ODF2: variants seen among roughly 807,000 people sequenced by gnomAD.
ODF2 encodes outer dense fiber protein 2.
A neutral mutation model predicts 110.2 loss-of-function variants in ODF2; 47 were observed. The ratio of observed to expected loss-of-function variants is 0.43; its 90% CI spans 0.34 to 0.54. ODF2 has a LOEUF of 0.54. Among genes scored for constraint, ODF2 ranks in the 20% least tolerant of loss-of-function variants. ODF2 has a pLI of 0.03. For synonymous variants in ODF2, 352 were observed against 397.7 expected (o/e 0.89, Z 1.37); for missense variants, 812 against 1,054.5 (o/e 0.77, Z 3.19).
chr9:128,490,457 T>C (rs535350892), intron 14 of ODF2, among the ~76,000 whole-genome samples: 1 of 152,202 alleles, frequency 6.6e-6, no homozygotes, highest in Admixed American at 6.5e-5. Flanking sequence ...TAATTTTTTG[T>C]ATTTTTAGTA....
intron 4 of ODF2, among the ~76,000 whole-genome samples, chr9:128,468,610 C>T (rs149611304): frequency 1.3e-5 from 2 of 152,162 alleles, no homozygotes; most frequent in African/African-American, 4.8e-5. Context: ...GCAACCTCTA[C>T]CTCCCGGGTT....
chr9:128,469,269 T>C lies in ODF2; in HGVS notation c.336T>C (p.Asp112=), dbSNP rs147844613. 905 of 1,614,138 alleles carry C rather than the reference T, an allele frequency of 5.6e-4. 12 individuals are homozygous for C. In the Admixed American group the frequency reaches 0.014, roughly 25 times the overall value. ...GGTTAAGTGACCTCTCTACAGAAGA[T>C]GATGACTCAGGTCACTGTAAAATGA... Residue 112 remains aspartate, a synonymous_variant, in exon 5 of 21, where the codon GAT becomes GAC. Coordinates refer to ENST00000604420, the Ensembl canonical transcript of ODF2.
chr9:128,469,508 G>C (rs1839174218), intron 5 of ODF2, 155 bp downstream of exon 5: 1 of 709,052 alleles, frequency 1.4e-6, no homozygotes, highest in Non-Finnish European at 2.4e-6. Flanking sequence ...CCGGGAGGTA[G>C]CTGGGGCAGC....
Position 128,494,452 on chromosome 9 carries a change from C to G in ODF2, c.1753-58C>G. 6.5e-7 allele frequency: 1 copy of G among 1,537,214 alleles called. No individual in the cohort carries two copies. The highest frequency in any genetic ancestry group is 9.0e-7 in the Non-Finnish European group (1 of 1,112,298). The stretch of plus-strand genomic sequence containing the variant: ...GGACTCTGCCTGGCTCCACTAGGAG[C>G]CAGGTCTTTCCTAACTGTGGGTCTT... On this transcript the variant is annotated intron_variant, in intron 16 of 20. Transcript: ENST00000604420. This position sits in a 1 kb window ranked among gnomAD's most constrained non-coding sequence, Gnocchi z 4.6.
rs778630853 is a variant in ODF2, at chr9:128,460,585, C to T, written c.124-357C>T. On this transcript the variant is annotated intron_variant, in intron 3 of 20. Coordinates refer to ENST00000604420, the Ensembl canonical transcript of ODF2. ...TGAAGGACCGCTCTTCAACTCCCCC[C>T]TTACATGTTCACGTGGATGAGAACA... The T allele has an allele frequency of 9.3e-6, 15 of 1,613,944 alleles. No homozygotes were observed. The South Asian group carries it at 9.9e-5, about 11-fold the overall frequency.
At chr9:128,498,974 C>T (rs768494540) in intron 19 of ODF2, 27 bp from the exon 20 acceptor site, 1 of 1,612,100 alleles carries the variant, frequency 6.2e-7, no homozygotes, top group East Asian at 2.2e-5. Context: ...GTAAACCAGT[C>T]TCATGTCTGG....
At chr9:128,460,312 G>C in intron 3 of ODF2, 1 of 1,415,344 alleles carries the variant, frequency 7.1e-7, no homozygotes, top group South Asian at 1.2e-5. Flanking sequence ...GGGTCTTGCA[G>C]ACCCTCTCTT....
At chr9:128,491,338 C>T (rs895927189) in intron 14 of ODF2, among the ~76,000 whole-genome samples, 10 of 151,582 alleles carry the variant, frequency 6.6e-5, no homozygotes, top group South Asian at 2.1e-4. Flanking sequence ...CCACCACATC[C>T]GGCCCACAAC....
At chr9:128,463,935 C>G (rs1350376101) in intron 4 of ODF2, among the ~76,000 whole-genome samples, 2 of 152,098 alleles carry the variant, frequency 1.3e-5, no homozygotes, top group African/African-American at 4.8e-5. Context: ...ACCTCCACCT[C>G]CTGGGTACAA....
At chr9:128,475,684 C>T (rs1041402241) in intron 8 of ODF2, among the ~76,000 whole-genome samples, 2 of 151,818 alleles carry the variant, frequency 1.3e-5, no homozygotes, top group South Asian at 4.2e-4. Flanking sequence ...CTTGCTCTGT[C>T]GCCCAGGTTG....
chr9:128,489,762 G>T (rs1844167381), intron 14 of ODF2, among the ~76,000 whole-genome samples: 2 of 152,196 alleles, frequency 1.3e-5, no homozygotes, highest in Non-Finnish European at 2.9e-5. Flanking sequence ...TCATCATGGG[G>T]TGTGCATTAA....
chr9:128,500,187 T>C, exon 21 of ODF2: 2 of 1,614,188 alleles, frequency 1.2e-6, no homozygotes, highest in Non-Finnish European at 1.7e-6. Context: ...CGCCAACGTG[T>C]TTGGGGATGG....
At chr9:128,475,955 C>T (rs1352066300) in intron 8 of ODF2, among the ~76,000 whole-genome samples, 1 of 151,774 alleles carries the variant, frequency 6.6e-6, no homozygotes, top group Admixed American at 6.6e-5. Context: ...AGTTCAACTT[C>T]TTTAGGTTCC....
At chr9:128,493,420 G>T (rs188887109) in intron 16 of ODF2, among the ~76,000 whole-genome samples, 1 of 152,252 alleles carries the variant, frequency 6.6e-6, no homozygotes, top group African/African-American at 2.4e-5. Flanking sequence ...AAAACCTCAT[G>T]CTTGGAGCAT....
chr9:128,458,240 G>A (rs1202431203), intron 2 of ODF2, among the ~76,000 whole-genome samples: 1 of 152,058 alleles, frequency 6.6e-6, no homozygotes, highest in Non-Finnish European at 1.5e-5. Flanking sequence ...ATCACCTGAG[G>A]TCAGGAGTTT....
At chr9:128,457,214 C>G (rs1835121258) in exon 2 of ODF2, 4 of 1,572,080 alleles carry the variant, frequency 2.5e-6, no homozygotes, top group Non-Finnish European at 3.4e-6. Flanking sequence ...TGCTGTGCGA[C>G]TTGGACAGTA....
intron 4 of ODF2, among the ~76,000 whole-genome samples, chr9:128,465,739 CA>C (rs34262754): frequency 0.019 from 1,341 of 70,436 alleles, 19 homozygotes; most frequent in African/African-American, 0.049. Context: ...GACTCCGTCT[CA>C]AAAAAAAAAA....
At chr9:128,489,053 GAAGTC>G (rs1223011844) in intron 14 of ODF2, among the ~76,000 whole-genome samples, 2 of 152,066 alleles carry the variant, frequency 1.3e-5, no homozygotes, top group African/African-American at 4.8e-5. Context: ...GGCTGAGAGA[GAAGTC>G]AAGTGTCTTG....
chr9:128,468,964 C>A, intron 4 of ODF2: 1 of 530,482 alleles, frequency 1.9e-6, no homozygotes, highest in Non-Finnish European at 3.3e-6. Flanking sequence ...ACATTGTAGC[C>A]CAAGCTTTTA....
Sources: gnomAD v4.1 joint callset for allele counts (sites outside exome capture counted in the v4.1 genomes callset) on GRCh38, gnomAD v4.1.1 for gene constraint, Gnocchi (gnomAD v3.1) non-coding constraint, MANE v1.5 for transcripts, NCBI Gene and HGNC (gene_info 2026-07-23, HGNC 2026-07-21) for gene names.